The following IQCH variants were observed in gnomAD, a reference collection of about 807,000 sequenced individuals.
IQCH encodes the protein IQ domain-containing protein H.
Under a neutral mutation model 117.0 loss-of-function variants are expected in IQCH, and 98 were observed. The observed-to-expected ratio is 0.84, with a 90% CI of 0.71 to 0.99. IQCH has a LOEUF of 0.99. IQCH is among the 50% of genes least tolerant of loss of function. The probability of loss-of-function intolerance (pLI) is 0.00; values close to 1 mark genes in which losing one functional copy is unlikely to be tolerated. For missense variants in IQCH, 1,102 were observed against 1,243.8 expected (o/e 0.89, Z 1.72); for synonymous variants, 412 against 448.2 (o/e 0.92, Z 1.02).
chr15:67,434,714 C>G (rs1258306360), intron 16 of IQCH, among the ~76,000 whole-genome samples: 1 of 151,980 alleles, frequency 6.6e-6, no homozygotes, highest in East Asian at 1.9e-4. Flanking sequence ...TACATTCCCA[C>G]TAACAGTGTA....
Position 67,411,810 on chromosome 15 carries a change from C to G in IQCH, c.2098-5121C>G, listed in dbSNP as rs1206008504. Among the ~76,000 whole-genome samples the G allele has an allele frequency of 6.6e-6, 1 of 152,184 alleles. No individual in the cohort carries two copies. The highest frequency in any genetic ancestry group is 1.9e-4 in the East Asian group (1 of 5,206). On this transcript the variant is annotated intron_variant, in intron 14 of 20. Coordinates refer to ENST00000335894, the MANE Select transcript of IQCH (RefSeq NM_001031715.3). This position sits in a 1 kb window ranked among gnomAD's most constrained non-coding sequence, Gnocchi z 4.4. ...AGTCTACTGGCTTCCCCTAAGATAT[C>G]CTGAATTTCATTCATTCAGACATCT...
chr15:67,306,562 G>T (rs889121164), intron 4 of IQCH, among the ~76,000 whole-genome samples: 2 of 152,058 alleles, frequency 1.3e-5, no homozygotes, highest in Non-Finnish European at 2.9e-5. Context: ...CTAGAAGCTG[G>T]TATCTTCTCC....
chr15:67,358,443 G>A (rs192637640), intron 7 of IQCH, among the ~76,000 whole-genome samples: 20 of 151,918 alleles, frequency 1.3e-4, no homozygotes, highest in African/African-American at 4.8e-4. Flanking sequence ...TGGTCCACCT[G>A]CCTCGGCCTC....
chr15:67,438,298 T>A (rs367677995), intron 16 of IQCH, among the ~76,000 whole-genome samples: 1 of 152,116 alleles, frequency 6.6e-6, no homozygotes, highest in African/African-American at 2.4e-5. Flanking sequence ...CCAGTGAAAC[T>A]AAGCATCATA....
rs1177956283 is a variant in IQCH, at chr15:67,472,718, T to C, written c.2677-2978T>C. On this transcript the variant is annotated intron_variant, in intron 17 of 20. Transcript: ENST00000335894. The surrounding 1 kb of genome is among the most constrained non-coding windows in gnomAD (Gnocchi z 4.3). ...AACTTCTTTCTCACTCCATATAACC[T>C]TTCCACTGCAGAATTCTGCTTGTAT... is the stretch of plus-strand genomic sequence containing the variant. Among the ~76,000 whole-genome samples the C allele has an allele frequency of 6.6e-6, 1 of 152,094 alleles. No individual in the cohort carries two copies. The highest frequency in any genetic ancestry group is 2.4e-5 in the African/African-American group (1 of 41,412).
At chr15:67,292,885 C>T (rs949361051) in intron 4 of IQCH, among the ~76,000 whole-genome samples, 8 of 152,198 alleles carry the variant, frequency 5.3e-5, no homozygotes, top group African/African-American at 1.7e-4. Context: ...TCTTTCCAGT[C>T]CTGGATCTGT....
intron 8 of IQCH, among the ~76,000 whole-genome samples, chr15:67,361,413 T>C (rs1189538317): frequency 6.6e-6 from 1 of 152,204 alleles, no homozygotes; most frequent in Non-Finnish European, 1.5e-5. Flanking sequence ...AATTAGTAAA[T>C]GACAGAGCCA....
At chr15:67,339,847 G>T (rs944043004) in intron 5 of IQCH, among the ~76,000 whole-genome samples, 2 of 152,122 alleles carry the variant, frequency 1.3e-5, no homozygotes, top group East Asian at 3.9e-4. Context: ...GGAAGTTTTT[G>T]TAGAGAATCT....
rs1273292892 is a variant in IQCH at position 67,476,765 on chromosome 15, G to A, written c.2799+947G>A. 6.6e-6 allele frequency among the ~76,000 whole-genome samples: 1 copy of A among 152,034 alleles called. No homozygotes were observed. The highest frequency in any genetic ancestry group is 1.9e-4 in the East Asian group (1 of 5,184). On this transcript the variant is annotated intron_variant, in intron 18 of 20. Coordinates refer to ENST00000335894, the MANE Select transcript of IQCH (RefSeq NM_001031715.3). The surrounding 1 kb of genome is among the most constrained non-coding windows in gnomAD (Gnocchi z 4.1). ...TTTCTACTTTGATTCAGATTTTCAA[G>A]TCTCTCACACGCAGGGCCATTCTAA...
At chr15:67,331,154 C>G (rs1166782003) in intron 4 of IQCH, among the ~76,000 whole-genome samples, 4 of 152,082 alleles carry the variant, frequency 2.6e-5, no homozygotes, top group East Asian at 1.9e-4. Flanking sequence ...TGTATTTTCT[C>G]CAAGTCAGTA....
chr15:67,330,807 G>A (rs1397857802), intron 4 of IQCH, among the ~76,000 whole-genome samples: 13 of 152,100 alleles, frequency 8.5e-5, no homozygotes, highest in Non-Finnish European at 5.9e-5. Context: ...GGGGTTGAAG[G>A]TAGGGAGGGA....
chr15:67,354,827 G>T (rs1969821420), intron 6 of IQCH, among the ~76,000 whole-genome samples: 1 of 152,236 alleles, frequency 6.6e-6, no homozygotes, highest in Non-Finnish European at 1.5e-5. Flanking sequence ...ACCCTCTTTG[G>T]TATGTTTGAT....
intron 4 of IQCH, among the ~76,000 whole-genome samples, chr15:67,326,435 A>C (rs1436248621): frequency 6.6e-6 from 1 of 152,222 alleles, no homozygotes; most frequent in Non-Finnish European, 1.5e-5. Context: ...ATATGTGTGC[A>C]TGTGTCTTTA....
In IQCH at chr15:67,431,127, C is replaced by T. The variant is rs552540897; in HGVS notation, c.2505+9550C>T. Among the ~76,000 whole-genome samples, 28 of 151,870 alleles carry T rather than the reference C, an allele frequency of 1.8e-4. No homozygotes were observed. The highest frequency in any genetic ancestry group is 5.6e-4 in the African/African-American group (23 of 41,382). On this transcript the variant is annotated intron_variant, in intron 16 of 20. Coordinates refer to ENST00000335894, the MANE Select transcript of IQCH (RefSeq NM_001031715.3). This position sits in a 1 kb window ranked among gnomAD's most constrained non-coding sequence, Gnocchi z 4.8. ...TGGGAAAGAGTGGTGGGAAAAAGCACAGAACACATATGGATAAAAATGATG... is the reference window on the plus strand; with the variant it reads ...TGGGAAAGAGTGGTGGGAAAAAGCATAGAACACATATGGATAAAAATGATG...
At chr15:67,312,923 A>G (rs1967670404) in intron 4 of IQCH, among the ~76,000 whole-genome samples, 1 of 152,148 alleles carries the variant, frequency 6.6e-6, no homozygotes. Flanking sequence ...TCAAGTATAC[A>G]TTCCTAGACT....
At chr15:67,269,589 T>C (rs1448431003) in intron 3 of IQCH, among the ~76,000 whole-genome samples, 1 of 152,138 alleles carries the variant, frequency 6.6e-6, no homozygotes, top group Non-Finnish European at 1.5e-5. Context: ...TTATTTCTTC[T>C]CTCTAACTGT....
intron 10 of IQCH, among the ~76,000 whole-genome samples, chr15:67,379,183 T>C (rs1395499295): frequency 6.6e-6 from 1 of 152,200 alleles, no homozygotes. Context: ...TGTTGCAATA[T>C]GTTGTTTTGG....
At chr15:67,396,216 T>C (rs1971464374) in intron 13 of IQCH, among the ~76,000 whole-genome samples, 1 of 152,080 alleles carries the variant, frequency 6.6e-6, no homozygotes, top group African/African-American at 2.4e-5. Flanking sequence ...AAGCAGTGGG[T>C]TTGGAAAACT....
At chr15:67,336,313 G>T (rs1968889863) in intron 4 of IQCH, among the ~76,000 whole-genome samples, 1 of 152,020 alleles carries the variant, frequency 6.6e-6, no homozygotes, top group Non-Finnish European at 1.5e-5. Context: ...TACGATAAAG[G>T]TAAAAATAGT....
Sources: allele counts gnomAD v4.1 joint callset (sites outside exome capture counted in the v4.1 genomes callset), GRCh38; gene constraint gnomAD v4.1.1; non-coding constraint Gnocchi (gnomAD v3.1); transcripts MANE v1.5; gene names NCBI Gene and HGNC (gene_info 2026-07-23, HGNC 2026-07-21).